Variants in PRKN observed in about 807,000 individuals in gnomAD.
PRKN encodes the protein E3 ubiquitin-protein ligase parkin.
Under a neutral mutation model 59.5 loss-of-function variants are expected in PRKN, and 56 were observed. The ratio of observed to expected loss-of-function variants is 0.94; its 90% confidence interval spans 0.76 to 1.18. The LOEUF is 1.18. Among genes scored for constraint, PRKN ranks in the 50% most tolerant of loss-of-function variants. PRKN has a pLI of 0.00. For synonymous variants in PRKN, 250 were observed against 222.1 expected, an observed-to-expected ratio of 1.13 and a Z score of -1.12; for missense variants, 657 against 596.4, an observed-to-expected ratio of 1.10 and a Z score of -1.06.
chr6:162,549,124 A>T (rs2128202872), intron 1 of PRKN, among the ~76,000 whole-genome samples: 1 of 152,136 alleles, frequency 6.6e-6, no homozygotes, highest in South Asian at 2.1e-4. Flanking sequence ...CATGAGTGGG[A>T]TTAGAGATCC....
chr6:162,535,156 C>T (rs998462910), intron 1 of PRKN, among the ~76,000 whole-genome samples: 9 of 152,100 alleles, frequency 5.9e-5, no homozygotes, highest in East Asian at 1.9e-4. Context: ...CAGTGCCAGT[C>T]GGAGTTGGCT....
chr6:161,728,982 C>T (rs890111323), intron 7 of PRKN, among the ~76,000 whole-genome samples: 2 of 152,182 alleles, frequency 1.3e-5, no homozygotes, highest in Non-Finnish European at 2.9e-5. Flanking sequence ...AAATCAAACT[C>T]AAATGTGCCT....
At chr6:162,512,875 T>C (rs1345520758) in intron 1 of PRKN, among the ~76,000 whole-genome samples, 3 of 152,216 alleles carry the variant, frequency 2.0e-5, no homozygotes, top group Non-Finnish European at 4.4e-5. Context: ...TATTCAATTA[T>C]AGTGATAAAA....
At chr6:162,075,227 A>C (rs1778769945) in intron 4 of PRKN, among the ~76,000 whole-genome samples, 1 of 152,214 alleles carries the variant, frequency 6.6e-6, no homozygotes, top group Non-Finnish European at 1.5e-5. Context: ...ATTTATCATC[A>C]TATAAAGATT....
intron 2 of PRKN, among the ~76,000 whole-genome samples, chr6:162,268,650 C>A (rs1024409786): frequency 8.5e-5 from 13 of 152,166 alleles, no homozygotes; most frequent in Non-Finnish European, 1.9e-4. Context: ...TTATAGAAGA[C>A]AAAGGGGAGC....
intron 2 of PRKN, among the ~76,000 whole-genome samples, chr6:162,339,270 C>G (rs1335149331): frequency 2.0e-5 from 3 of 147,312 alleles, no homozygotes; most frequent in African/African-American, 7.4e-5. Flanking sequence ...CCCGGCCAGC[C>G]GCCCCGTCCG....
rs74945927 is a variant in PRKN at position 162,722,825 on chromosome 6, T to C, written c.7+4837A>G. Among the ~76,000 whole-genome samples the C allele has an allele frequency of 2.0e-4, 31 of 152,200 alleles. No individual in the cohort carries two copies. The East Asian group carries it at 4.6e-3, about 23-fold the overall frequency. On this transcript the variant is annotated intron_variant, in intron 1 of 11. Transcript: ENST00000366898. ...CAGACTTCAAAAACATCCTCAGAAATAGGGCCAAAATTGTAAAGGGCAAAG... is the reference window on the plus strand; with the variant it reads ...CAGACTTCAAAAACATCCTCAGAAACAGGGCCAAAATTGTAAAGGGCAAAG...
chr6:161,519,897 A>T (rs526020), intron 9 of PRKN, among the ~76,000 whole-genome samples: 108,329 of 152,078 alleles, frequency 0.71, 38,704 homozygotes, highest in Middle Eastern at 0.8. Flanking sequence ...TTCAGTCTGA[A>T]ACCACCTCAA....
intron 10 of PRKN, among the ~76,000 whole-genome samples, chr6:161,374,631 G>GGTGT (rs1562403784): frequency 6.5e-4 from 3 of 4,612 alleles, no homozygotes; most frequent in Non-Finnish European, 1.3e-3. Context: ...TGGCATGTGT[G>GGTGT]ATGTATGTGT....
chr6:162,342,242 C>A (rs763612409), intron 2 of PRKN, among the ~76,000 whole-genome samples: 1 of 152,124 alleles, frequency 6.6e-6, no homozygotes, highest in Non-Finnish European at 1.5e-5. Context: ...TATTTAAGCA[C>A]ATCTGATTAT....
chr6:161,866,865 G>A (rs926207326), intron 6 of PRKN, among the ~76,000 whole-genome samples: 5 of 152,204 alleles, frequency 3.3e-5, no homozygotes, highest in Non-Finnish European at 7.3e-5. Context: ...CAGGCTCTGG[G>A]AAAGGCCTCA....
intron 1 of PRKN, 62 bp from the exon 2 acceptor site, chr6:162,443,535 G>T: frequency 6.7e-7 from 1 of 1,486,692 alleles, no homozygotes; most frequent in Non-Finnish European, 9.4e-7. Context: ...CTTAAATGGT[G>T]ATAGCAACAT....
intron 7 of PRKN, among the ~76,000 whole-genome samples, chr6:161,621,181 G>A (rs1354887054): frequency 6.6e-6 from 1 of 152,150 alleles, no homozygotes; most frequent in Non-Finnish European, 1.5e-5. Context: ...AGAGACAGAA[G>A]CAATAGGATA....
intron 7 of PRKN, among the ~76,000 whole-genome samples, chr6:161,777,439 A>C (rs1449171616): frequency 6.6e-6 from 1 of 151,952 alleles, no homozygotes; most frequent in Non-Finnish European, 1.5e-5. Context: ...ACCTTGAAGA[A>C]TGTATAAGGT....
At chr6:161,598,779 C>A (rs1441383713) in intron 7 of PRKN, among the ~76,000 whole-genome samples, 2 of 152,134 alleles carry the variant, frequency 1.3e-5, no homozygotes, top group Non-Finnish European at 2.9e-5. Flanking sequence ...TCCAACTATC[C>A]TTTTTCTTTG....
chr6:162,644,693 T>C (rs1012814546), intron 1 of PRKN, among the ~76,000 whole-genome samples: 1 of 152,212 alleles, frequency 6.6e-6, no homozygotes, highest in African/African-American at 2.4e-5. Flanking sequence ...TAAGTACCAC[T>C]AGGCAATGCT....
intron 6 of PRKN, among the ~76,000 whole-genome samples, chr6:161,856,361 A>AAAATAAAGAAATAAAT (rs76955526): frequency 3.5e-4 from 52 of 149,466 alleles, no homozygotes; most frequent in African/African-American, 7.4e-4. Context: ...ATGCCATCTC[A>AAAATAAAGAAATAAAT]AAATAAATAA....
chr6:161,891,082 A>T (rs1159792968), intron 6 of PRKN, among the ~76,000 whole-genome samples: 1 of 152,214 alleles, frequency 6.6e-6, no homozygotes, highest in Admixed American at 6.5e-5. Context: ...ACACATTATG[A>T]GGGGGCATTC....
intron 1 of PRKN, among the ~76,000 whole-genome samples, chr6:162,616,943 T>C (rs13215538): frequency 0.087 from 13,245 of 152,208 alleles, 724 homozygotes; most frequent in Middle Eastern, 0.18. Flanking sequence ...TTTTCTGAAA[T>C]TGATCAACTG....
Sources: allele counts gnomAD v4.1 joint callset (sites outside exome capture counted in the v4.1 genomes callset), GRCh38; gene constraint gnomAD v4.1.1; transcripts MANE v1.5; gene names NCBI Gene and HGNC (gene_info 2026-07-23, HGNC 2026-07-21).